Variants in DOCK9 observed in about 807,000 individuals in gnomAD.
The protein encoded by DOCK9 is dedicator of cytokinesis 9.
DOCK9 carries 89 observed loss-of-function variants against 263.3 expected under a neutral mutation model. The ratio of observed to expected loss-of-function variants is 0.34; its 90% CI spans 0.28 to 0.40. The LOEUF (loss-of-function observed/expected upper bound fraction) is 0.40. DOCK9 is among the 10% of genes least tolerant of loss of function. DOCK9 has a pLI of 1.00. For synonymous variants in DOCK9, 976 were observed against 973.1 expected, an observed-to-expected ratio of 1.00 and a Z score of -0.06; for missense variants, 2,140 against 2,603.4, an observed-to-expected ratio of 0.82 and a Z score of 3.87.
intron 48 of DOCK9, among the ~76,000 whole-genome samples, chr13:98,806,857 T>G (rs1805386101): frequency 6.7e-6 from 1 of 150,242 alleles, no homozygotes; most frequent in Non-Finnish European, 1.5e-5. Context: ...TGCAGTGAGC[T>G]GAGATAGCGC....
intron 52 of DOCK9, among the ~76,000 whole-genome samples, chr13:98,795,162 C>G (rs1594055457): frequency 1.3e-5 from 2 of 152,328 alleles, no homozygotes; most frequent in Admixed American, 6.5e-5. Flanking sequence ...AACGTGAGGT[C>G]TACTTAAGGC....
chr13:98,866,424 T>C (rs1216881281), intron 30 of DOCK9, among the ~76,000 whole-genome samples: 1 of 152,150 alleles, frequency 6.6e-6, no homozygotes, highest in Admixed American at 6.5e-5. Context: ...ACTGAATGAA[T>C]GCCTTAGTGT....
rs144239237 is a variant in DOCK9, at chr13:98,906,151, T to C, written c.961-1445A>G. Among the ~76,000 whole-genome samples, 223 of 152,208 alleles carry C rather than the reference T, an allele frequency of 1.5e-3. 1 individual carries two copies. The highest frequency in any genetic ancestry group is 5.1e-3 in the African/African-American group (213 of 41,522). On this transcript the variant is annotated intron_variant, in intron 9 of 52. Coordinates refer to ENST00000682017, the MANE Select transcript of DOCK9 (RefSeq NM_001366683.2). ...CCTGTGGAATTTCCAACTGGAAACA[T>C]CCAATAGACAGCTAAAGGGATGAAA...
chr13:98,987,077 G>GCCACCACCA (rs1260833645), intron 1 of DOCK9, among the ~76,000 whole-genome samples: 3 of 149,352 alleles, frequency 2.0e-5, no homozygotes, highest in Non-Finnish European at 3.0e-5. Context: ...CACCACCACC[G>GCCACCACCA]CCACCACCAC....
chr13:98,971,992 TAC>T (rs2059781292), intron 1 of DOCK9, among the ~76,000 whole-genome samples: 1 of 152,218 alleles, frequency 6.6e-6, no homozygotes, highest in Admixed American at 6.5e-5. Flanking sequence ...TGTTTATTGT[TAC>T]AGTCTCAATG....
upstream of DOCK9, among the ~76,000 whole-genome samples, chr13:98,978,514 C>T (rs919532654): frequency 1.3e-5 from 2 of 152,194 alleles, no homozygotes; most frequent in African/African-American, 4.8e-5. Context: ...ATGAGTTTCA[C>T]CCCGCATGAC....
chr13:98,935,800 G>A (rs1240781749), intron 2 of DOCK9, among the ~76,000 whole-genome samples: 2 of 151,988 alleles, frequency 1.3e-5, no homozygotes, highest in Non-Finnish European at 2.9e-5. Context: ...ATAAAAGAAA[G>A]GTTGGAACCC....
Position 98,886,719 on chromosome 13 carries a change from T to G in DOCK9, c.2044-95A>C, listed in dbSNP as rs560844181. 1.1e-5 allele frequency: 13 copies of G among 1,187,530 alleles called. 1 individual carries two copies. The South Asian group carries it at 1.1e-4, about 10-fold the overall frequency. 73.6% of individuals were successfully genotyped at this position (1,187,530 alleles called of 1,614,324 possible). ...TAAAGGAGGAGGCATTCCTACGGCA[T>G]AGACTTAGCATCGCCACCTCTGATG... On this transcript the variant is annotated intron_variant, in intron 18 of 52. Transcript: ENST00000682017.
upstream of DOCK9, among the ~76,000 whole-genome samples, chr13:98,980,236 G>A (rs1371877480): frequency 1.3e-5 from 2 of 152,242 alleles, no homozygotes; most frequent in Non-Finnish European, 2.9e-5. Flanking sequence ...TAAGGAATGA[G>A]AAATGAACTT....
chr13:98,888,655 T>C lies in DOCK9; in HGVS notation c.1766A>G (p.Asp589Gly). Residue 589 changes from aspartate (D) to glycine (G), a missense_variant, in exon 16 of 53, where the codon GAT becomes GGT. Coordinates refer to ENST00000682017, the MANE Select transcript of DOCK9 (RefSeq NM_001366683.2). ...ACTAGGGAAGTCTGAGGAAACATTA[T>C]CAATTGTAATGTCTAGATTGCCTAA... ...VILGNLDITI[D>G]NVSSDFPNYV... 1.2e-6 allele frequency: 2 copies of C among 1,613,794 alleles called. No homozygotes were observed. Among genetic ancestry groups the C allele is most frequent in the South Asian group, 1.1e-5 (1 of 91,078 alleles).
At chr13:98,910,219 C>T (rs2049788259) in intron 9 of DOCK9, among the ~76,000 whole-genome samples, 1 of 152,116 alleles carries the variant, frequency 6.6e-6, no homozygotes, top group Admixed American at 6.5e-5. Context: ...AAGTTTATAA[C>T]CTGATTATGT....
In DOCK9 at chr13:98,794,466, T is replaced by C. The variant is rs1230013918; in HGVS notation, c.*160A>G. The stretch of plus-strand genomic sequence containing the variant: ...AATATGTGCACCTTCTTACAACTCC[T>C]ATAGAAAGTCTGTTAAGAAATAACG... On this transcript the variant is annotated 3_prime_UTR_variant, in exon 53 of 53. Coordinates refer to ENST00000682017, the MANE Select transcript of DOCK9 (RefSeq NM_001366683.2). 4.7e-5 allele frequency: 36 copies of C among 772,620 alleles called. No homozygotes were observed. Among genetic ancestry groups the C allele is most frequent in the Non-Finnish European group, 6.3e-5 (31 of 493,210 alleles). The allele number at this position is 772,620 out of a possible 1,614,324, so 47.9% of individuals were successfully genotyped here.
intron 2 of DOCK9, among the ~76,000 whole-genome samples, chr13:98,934,272 G>A (rs1420195172): frequency 1.3e-5 from 2 of 152,170 alleles, no homozygotes; most frequent in South Asian, 2.1e-4. Flanking sequence ...CACCATATAA[G>A]TTCTACCATC....
At chr13:98,823,401 C>A (rs1482381574) in intron 45 of DOCK9, among the ~76,000 whole-genome samples, 1 of 152,174 alleles carries the variant, frequency 6.6e-6, no homozygotes. Context: ...TGTTCAAGGG[C>A]CTGCCTCCCT....
At chr13:99,046,221 G>T (rs1452677545) in intron 1 of DOCK9, among the ~76,000 whole-genome samples, 1 of 152,198 alleles carries the variant, frequency 6.6e-6, no homozygotes, top group Non-Finnish European at 1.5e-5. Context: ...GCTCAGCACG[G>T]GGCAGAACAA....
At chr13:98,922,300 A>G (rs2052171466) in intron 5 of DOCK9, among the ~76,000 whole-genome samples, 154 bp from the exon 6 acceptor site, 1 of 152,182 alleles carries the variant, frequency 6.6e-6, no homozygotes, top group Admixed American at 6.5e-5. Flanking sequence ...TACAAGTCAC[A>G]TAAAAGTCCA....
chr13:98,867,656 G>T (rs577386656), intron 29 of DOCK9, 120 bp from the exon 30 acceptor site: 2 of 722,194 alleles, frequency 2.8e-6, no homozygotes, highest in Non-Finnish European at 4.7e-6. Flanking sequence ...TCTTAGAACT[G>T]CACACTCTAT....
chr13:98,827,914 C>G (rs912926234), intron 43 of DOCK9, among the ~76,000 whole-genome samples: 6 of 152,210 alleles, frequency 3.9e-5, no homozygotes, highest in African/African-American at 1.4e-4. Flanking sequence ...CGCCAAAATT[C>G]ATGGCCTCCC....
rs1464804960 is a variant in DOCK9 at position 98,976,554 on chromosome 13, G to T, written c.126+1230C>A. Among the ~76,000 whole-genome samples the T allele has an allele frequency of 9.2e-5, 14 of 152,346 alleles. No homozygotes were observed. The East Asian group carries it at 2.7e-3, about 29-fold the overall frequency. On this transcript the variant is annotated intron_variant, in intron 1 of 52. Transcript: ENST00000682017. ...CAAGAAATCCTAAGTTACATCAGCT[G>T]CTTTAAGCAGTGAAATCCATACAGC...
Sources: gnomAD v4.1 joint callset for allele counts (sites outside exome capture counted in the v4.1 genomes callset) on GRCh38, gnomAD v4.1.1 for gene constraint, MANE v1.5 for transcripts, NCBI Gene and HGNC (gene_info 2026-07-23, HGNC 2026-07-21) for gene names.